The following PCLAF variants were observed in gnomAD, a reference collection of about 807,000 sequenced individuals.
PCLAF encodes PCNA-associated factor.
In PCLAF, 12 loss-of-function variants were observed where a neutral mutation model predicts 15.1. The ratio of observed to expected loss-of-function variants is 0.79; its 90% CI spans 0.51 to 1.29. The LOEUF is 1.29. PCLAF is among the 50% of genes most tolerant of loss of function. The probability of loss-of-function intolerance (pLI) is 0.00; values close to 1 mark genes in which losing one functional copy is unlikely to be tolerated. For synonymous variants in PCLAF, 33 were observed against 47.1 expected (o/e 0.70, Z 1.22); for missense variants, 116 against 130.9 (o/e 0.89, Z 0.56).
upstream of PCLAF, chr15:64,383,051 T>C (rs147735462): frequency 0.014 from 2,203 of 157,428 alleles, 37 homozygotes; most frequent in Non-Finnish European, 0.023. Context: ...TTCTGTTAAA[T>C]GCTCACTTGA....
upstream of PCLAF, among the ~76,000 whole-genome samples, chr15:64,384,460 T>C (rs575701181): frequency 6.6e-6 from 1 of 151,038 alleles, no homozygotes. Context: ...AAAGAAAATC[T>C]TGGCCGGCGC....
At position 64,378,062 on chromosome 15, in the gene PCLAF, T is replaced by C. The variant is rs139070729; in HGVS notation, c.128-1157A>G. On this transcript the variant is annotated intron_variant, in intron 2 of 3. Transcript: ENST00000300035. ...TCTCCTGCCTCAGCCTCCCGAGCAG[T>C]TGGGACTACAGGCGCCCGCCACCAC... 6.0e-4 allele frequency among the ~76,000 whole-genome samples: 90 copies of C among 149,590 alleles called. 1 individual carries two copies. In the East Asian group the frequency reaches 0.012, roughly 20 times the overall value.
rs1456262411 is a variant in PCLAF, at chr15:64,378,168, C to T, written c.128-1263G>A. Among the ~76,000 whole-genome samples the T allele has an allele frequency of 3.3e-5, 5 of 152,170 alleles. No individual in the cohort carries two copies. The East Asian group carries it at 5.8e-4, about 18-fold the overall frequency. On this transcript the variant is annotated intron_variant, in intron 2 of 3. Coordinates refer to ENST00000300035, the MANE Select transcript of PCLAF (RefSeq NM_014736.6). ...GTCTCGATCTCCTGACCTCATGATC[C>T]GCCCGCCTTGGCCTCCCAAAGTGCT...
chr15:64,380,998 G>A lies in PCLAF; in HGVS notation c.87C>T (p.Ser29=), dbSNP rs747141479. The change falls in exon 2 of 4, where the codon TCC becomes TCT. Residue 29 remains serine, a synonymous_variant. Coordinates refer to ENST00000300035, the MANE Select transcript of PCLAF (RefSeq NM_014736.6). ...CTGATGTCGAATTAGTGGCAGAGGTGGAAGAACCAAGCACCTTTCTGGGGG... is the reference window on the plus strand; with the variant it reads ...CTGATGTCGAATTAGTGGCAGAGGTAGAAGAACCAAGCACCTTTCTGGGGG... ...ARAPRKVLGS[S]TSATNSTSVS... The A allele has an allele frequency of 1.2e-6, 2 of 1,614,100 alleles. No individual in the cohort carries two copies. Among genetic ancestry groups the A allele is most frequent in the Non-Finnish European group, 1.7e-6 (2 of 1,180,036 alleles).
chr15:64,374,253 A>C lies in PCLAF; in HGVS notation c.290+2490T>G, dbSNP rs561557998. On this transcript the variant is annotated intron_variant, in intron 3 of 3. Coordinates refer to ENST00000300035, the MANE Select transcript of PCLAF (RefSeq NM_014736.6). ...GTATGGTTTCATTAACTTCTTAAAA[A>C]GTTTGTGGCCGGGTGTGGTTGCACT... is the stretch of plus-strand genomic sequence containing the variant. 2.6e-5 allele frequency among the ~76,000 whole-genome samples: 4 copies of C among 152,280 alleles called. No homozygotes were observed. In the East Asian group the frequency reaches 7.7e-4, roughly 29 times the overall value.
chr15:64,374,864 G>C (rs955137649), intron 3 of PCLAF, among the ~76,000 whole-genome samples: 1 of 146,218 alleles, frequency 6.8e-6, no homozygotes, highest in Non-Finnish European at 1.5e-5. Context: ...AAAAAAAAAA[G>C]GAAGAAAGAA....
intron 3 of PCLAF, among the ~76,000 whole-genome samples, chr15:64,375,054 C>T (rs1158283812): frequency 1.3e-5 from 2 of 151,986 alleles, no homozygotes; most frequent in African/African-American, 4.8e-5. Context: ...GGTATTATTC[C>T]TAGTTGGTTC....
At chr15:64,384,297 C>A (rs949982494), upstream of PCLAF, among the ~76,000 whole-genome samples, 2 of 152,022 alleles carry the variant, frequency 1.3e-5, no homozygotes, top group Non-Finnish European at 2.9e-5. Flanking sequence ...CCACATCCAG[C>A]TAACTTTTGT....
chr15:64,382,077 G>A (rs751715716), upstream of PCLAF, among the ~76,000 whole-genome samples: 3 of 152,156 alleles, frequency 2.0e-5, no homozygotes, highest in African/African-American at 4.8e-5. Context: ...AGAACCGAAT[G>A]GTGTCAGAGC....
intron 2 of PCLAF, among the ~76,000 whole-genome samples, chr15:64,377,488 A>AAAAAT (rs1555407636): frequency 3.4e-5 from 1 of 29,320 alleles, no homozygotes; most frequent in African/African-American, 1.4e-4. Flanking sequence ...AAAAAAAAAA[A>AAAAAT]ATATATATAT....
chr15:64,380,963 C>T lies in PCLAF; in HGVS notation c.122G>A (p.Arg41Lys). The stretch of plus-strand genomic sequence containing the variant: ...TTTAGGAGGGCTCTTCTTACCTTTC[C>T]TCGATGAAACTGATGTCGAATTAGT... ...SATNSTSVSS[R>K]KAENKYAGGN... The change falls in exon 2 of 4, where the codon AGG becomes AAG. Residue 41 changes from arginine (R) to lysine (K), a missense_variant. Arg to Lys is a conservative substitution (Grantham distance 26). Transcript: ENST00000300035. 4 of 1,614,032 alleles carry T rather than the reference C, an allele frequency of 2.5e-6. No homozygotes were observed. The highest frequency in any genetic ancestry group is 1.7e-4 in the Middle Eastern group (1 of 6,058).
intron 2 of PCLAF, among the ~76,000 whole-genome samples, chr15:64,379,003 A>C (rs1048377264): frequency 2.0e-5 from 3 of 152,168 alleles, no homozygotes; most frequent in Admixed American, 6.6e-5. Flanking sequence ...CCAGATATTA[A>C]ATTTCCTTAT....
chr15:64,372,511 G>C (rs182139043), intron 3 of PCLAF, among the ~76,000 whole-genome samples: 1 of 152,292 alleles, frequency 6.6e-6, no homozygotes, highest in Admixed American at 6.5e-5. Context: ...CTGCTGGGGA[G>C]GCTGAGGCGG....
Position 64,376,921 on chromosome 15 carries a change from A to C in PCLAF, c.128-16T>G, listed in dbSNP as rs368370868. On this transcript the variant is annotated splice_polypyrimidine_tract_variant and intron_variant, in intron 2 of 3. Transcript: ENST00000300035. ...TTATTTTCAGCTGTAAAATATAAAC[A>C]GATGGAACTAGATAAGTGCTAATAA... is the stretch of plus-strand genomic sequence containing the variant. 18 of 1,605,570 alleles carry C rather than the reference A, an allele frequency of 1.1e-5. No homozygotes were observed. Among genetic ancestry groups the C allele is most frequent in the Admixed American group, 5.1e-5 (3 of 59,072 alleles).
chr15:64,370,856 T>A (rs1020595898), intron 3 of PCLAF, among the ~76,000 whole-genome samples: 7 of 89,878 alleles, frequency 7.8e-5, no homozygotes, highest in South Asian at 5.8e-4. Context: ...TTTTTTTTTT[T>A]AAGTATTTAC....
At chr15:64,374,270 G>A (rs1286708944) in intron 3 of PCLAF, among the ~76,000 whole-genome samples, 1 of 152,134 alleles carries the variant, frequency 6.6e-6, no homozygotes, top group East Asian at 1.9e-4. Flanking sequence ...GGCCGGGTGT[G>A]GTTGCACTCG....
At chr15:64,366,547 C>A (rs976395492) in intron 3 of PCLAF, among the ~76,000 whole-genome samples, 1 of 152,052 alleles carries the variant, frequency 6.6e-6, no homozygotes, top group African/African-American at 2.4e-5. Flanking sequence ...TTAGGAAAAA[C>A]CCCAAATTGG....
intron 3 of PCLAF, among the ~76,000 whole-genome samples, chr15:64,367,009 T>C (rs1360467580): frequency 1.3e-5 from 2 of 151,144 alleles, no homozygotes; most frequent in Non-Finnish European, 2.9e-5. Context: ...CACATCCCTA[T>C]AGTTTCAGCG....
In PCLAF at chr15:64,381,384, AGAGAGGAGAG is replaced by A. The variant is rs755251540; in HGVS notation, c.-23_-14del. ...TAGTCCGCACCATGTTCAAACAAGAAGAGAGGAGAGGAGAGAACGAACTGACTTCCCAGCC... is the reference window on the plus strand; with the variant it reads ...TAGTCCGCACCATGTTCAAACAAGAAGAGAGAACGAACTGACTTCCCAGCC... On this transcript the variant is annotated 5_prime_UTR_variant, in exon 1 of 4. Coordinates refer to ENST00000300035, the MANE Select transcript of PCLAF (RefSeq NM_014736.6). 6.2e-7 allele frequency: 1 copy of A among 1,613,990 alleles called. No homozygotes were observed. Among genetic ancestry groups the A allele is most frequent in the African/African-American group, 1.3e-5 (1 of 74,942 alleles).
Sources: gnomAD v4.1 joint callset for allele counts (sites outside exome capture counted in the v4.1 genomes callset) on GRCh38, gnomAD v4.1.1 for gene constraint, MANE v1.5 for transcripts, NCBI Gene and HGNC (gene_info 2026-07-23, HGNC 2026-07-21) for gene names.